The following STIMATE variants were observed in gnomAD, a reference collection of about 807,000 sequenced individuals.
STIMATE encodes the protein STIM activating enhancer, also known as store-operated calcium entry regulator STIMATE.
Under a neutral mutation model 36.7 loss-of-function variants are expected in STIMATE, and 15 were observed. The observed-to-expected ratio is 0.41, with a 90% CI of 0.27 to 0.63. The LOEUF (loss-of-function observed/expected upper bound fraction) is 0.63. Among genes scored for constraint, STIMATE ranks in the 20% least tolerant of loss-of-function variants. The pLI is 0.32. For missense variants in STIMATE, 305 were observed against 397.3 expected, an observed-to-expected ratio of 0.77 and a Z score of 1.98; for synonymous variants, 163 against 162.3, an observed-to-expected ratio of 1.00 and a Z score of -0.03.
rs775254081 is a variant in STIMATE, at chr3:52,849,807, G to A, written c.412C>T (p.Arg138Cys). 8 of 1,613,174 alleles carry A rather than the reference G, an allele frequency of 5.0e-6. No homozygotes were observed. The highest frequency in any genetic ancestry group is 5.9e-6 in the Non-Finnish European group (7 of 1,179,942). ...LVEWQQWESL[R>C]FGEYGDPLQC... ...AGCATATTACCATATTCGCCGAAGC[G>A]CAGGGACTCCCACTGCTGCCACTCT... Residue 138 changes from arginine (R) to cysteine (C), a missense_variant, in exon 4 of 8, where the codon CGC (arginine) becomes TGC (cysteine). Around this residue, in one of 3 missense-constraint regions of STIMATE, gnomAD observed 164 missense variants for 257.9 expected, o/e 0.64. Coordinates refer to ENST00000355083, the MANE Select transcript of STIMATE (RefSeq NM_198563.5).
At position 52,849,781 on chromosome 3, in the gene STIMATE, C is replaced by T. The variant is rs1249174270; in HGVS notation, c.427+11G>A. 6.2e-7 allele frequency: 1 copy of T among 1,610,766 alleles called. No individual in the cohort carries two copies. The highest frequency in any genetic ancestry group is 8.5e-7 in the Non-Finnish European group (1 of 1,179,318). ...TCCCTCACGCCCTGTCCGGCATCCA[C>T]AGCATATTACCATATTCGCCGAAGC... On this transcript the variant is annotated intron_variant, in intron 4 of 7. Coordinates refer to ENST00000355083, the MANE Select transcript of STIMATE (RefSeq NM_198563.5).
chr3:52,849,849 C>T lies in STIMATE; in HGVS notation c.370G>A (p.Ala124Thr), dbSNP rs779411931. 73 of 1,613,704 alleles carry T rather than the reference C, an allele frequency of 4.5e-5. 1 individual carries two copies. Among genetic ancestry groups the T allele is most frequent in the Non-Finnish European group, 5.6e-5 (66 of 1,180,012 alleles). The change falls in exon 4 of 8, where the codon GCC (alanine) becomes ACC (threonine). Residue 124 changes from alanine (A) to threonine (T), a missense_variant. Around this residue, in one of 3 missense-constraint regions of STIMATE, gnomAD observed 164 missense variants for 257.9 expected, o/e 0.64. Coordinates refer to ENST00000355083, the MANE Select transcript of STIMATE (RefSeq NM_198563.5). ...TGCCACTCTACCAGGACGCTGACGG[C>T]GCGCACCCCCACGTAGATGAGCAGC... ...GMLLIYVGVR[A>T]VSVLVEWQQW...
intron 1 of STIMATE, among the ~76,000 whole-genome samples, chr3:52,866,674 C>T (rs982086162): frequency 2.6e-5 from 4 of 152,184 alleles, no homozygotes; most frequent in South Asian, 2.1e-4. Flanking sequence ...ATGTGGAGGG[C>T]GGGGACCAGG....
chr3:52,873,339 A>G (rs1239817497), intron 1 of STIMATE, among the ~76,000 whole-genome samples: 1 of 152,250 alleles, frequency 6.6e-6, no homozygotes, highest in African/African-American at 2.4e-5. Context: ...TGCAACCTTA[A>G]TAACAGCAAT....
intron 1 of STIMATE, among the ~76,000 whole-genome samples, chr3:52,877,867 G>A (rs747069922): frequency 5.3e-5 from 8 of 152,114 alleles, no homozygotes; most frequent in Non-Finnish European, 7.4e-5. Context: ...AGGCTAAGGC[G>A]GGCAGATCAC....
intron 1 of STIMATE, among the ~76,000 whole-genome samples, chr3:52,866,301 G>A (rs1367370500): frequency 2.0e-5 from 3 of 152,268 alleles, no homozygotes; most frequent in Non-Finnish European, 2.9e-5. Context: ...GGCTGTCTCA[G>A]CACGGCTGCG....
intron 1 of STIMATE, among the ~76,000 whole-genome samples, chr3:52,886,051 C>G (rs1317196482): frequency 6.6e-6 from 1 of 152,188 alleles, no homozygotes; most frequent in Non-Finnish European, 1.5e-5. Flanking sequence ...GGAAAGATTC[C>G]TCTGGCTTCC....
chr3:52,878,018 C>T (rs376343156), intron 1 of STIMATE, among the ~76,000 whole-genome samples: 1 of 150,524 alleles, frequency 6.6e-6, no homozygotes, highest in African/African-American at 2.4e-5. Flanking sequence ...AGCATGAACC[C>T]GGGAGGTGGA....
At chr3:52,880,400 C>T (rs1701583262) in intron 1 of STIMATE, among the ~76,000 whole-genome samples, 1 of 152,132 alleles carries the variant, frequency 6.6e-6, no homozygotes, top group South Asian at 2.1e-4. Context: ...CAAATATGTA[C>T]AATTATTACA....
intron 1 of STIMATE, among the ~76,000 whole-genome samples, chr3:52,875,926 GA>G (rs1490505167): frequency 1.3e-5 from 2 of 152,206 alleles, no homozygotes; most frequent in East Asian, 3.9e-4. Context: ...AGCTCACCTG[GA>G]GAAGCAGTGT....
intron 1 of STIMATE, among the ~76,000 whole-genome samples, chr3:52,858,410 C>T (rs917768884): frequency 1.3e-5 from 2 of 151,930 alleles, no homozygotes; most frequent in African/African-American, 4.8e-5. Context: ...ATTGCTTGAG[C>T]CCAGGAGTTT....
intron 1 of STIMATE, among the ~76,000 whole-genome samples, chr3:52,885,220 T>C (rs1214784864): frequency 6.6e-6 from 1 of 152,242 alleles, no homozygotes; most frequent in East Asian, 1.9e-4. Flanking sequence ...ATATCTTTTC[T>C]GGAGAAATGT....
intron 1 of STIMATE, among the ~76,000 whole-genome samples, chr3:52,856,660 G>T (rs1701102859): frequency 6.6e-6 from 1 of 151,706 alleles, no homozygotes; most frequent in South Asian, 2.2e-4. Context: ...CTCCTGTCTG[G>T]GCAACAGAGC....
intron 1 of STIMATE, among the ~76,000 whole-genome samples, chr3:52,884,860 G>A (rs1701666666): frequency 6.6e-6 from 1 of 152,196 alleles, no homozygotes; most frequent in Non-Finnish European, 1.5e-5. Flanking sequence ...AATTACAAAT[G>A]AAGGTGCTAT....
At chr3:52,853,654 C>A (rs1197808869) in intron 2 of STIMATE, among the ~76,000 whole-genome samples, 2 of 24,136 alleles carry the variant, frequency 8.3e-5, no homozygotes, top group Non-Finnish European at 9.6e-3. Context: ...AAAGCTAGGT[C>A]TCCCACCAGG....
At chr3:52,878,690 TCTC>T (rs1161995718) in intron 1 of STIMATE, among the ~76,000 whole-genome samples, 2 of 152,174 alleles carry the variant, frequency 1.3e-5, no homozygotes, top group African/African-American at 4.8e-5. Context: ...AACAGAAACA[TCTC>T]CACTGGTTTT....
chr3:52,869,780 T>C (rs1000372248), intron 1 of STIMATE, among the ~76,000 whole-genome samples: 1 of 152,204 alleles, frequency 6.6e-6, no homozygotes, highest in Non-Finnish European at 1.5e-5. Flanking sequence ...AAGTCAAAGG[T>C]GGCAGAGCTT....
intron 2 of STIMATE, 49 bp downstream of exon 2, chr3:52,855,347 C>A (rs200880233): frequency 6.2e-7 from 1 of 1,607,494 alleles, no homozygotes; most frequent in East Asian, 2.2e-5. Flanking sequence ...CCCAAGACCC[C>A]CAACATAGTC....
At chr3:52,844,781 T>G in intron 5 of STIMATE, 48 bp downstream of exon 5, 1 of 1,602,670 alleles carries the variant, frequency 6.2e-7, no homozygotes, top group South Asian at 1.1e-5. Context: ...GAGGAAGTGC[T>G]GCTTGCTCAG....
Sources: gnomAD v4.1 joint callset for allele counts (sites outside exome capture counted in the v4.1 genomes callset) on GRCh38, gnomAD v4.1.1 for gene constraint, gnomAD v4.1.1 regional missense constraint, MANE v1.5 for transcripts, NCBI Gene and HGNC (gene_info 2026-07-23, HGNC 2026-07-21) for gene names.